Variants in MAGI1 observed in about 807,000 individuals in gnomAD.
MAGI1 encodes membrane associated guanylate kinase, WW and PDZ domain containing 1.
MAGI1 carries 58 observed loss-of-function variants against 139.9 expected under a neutral mutation model. The ratio of observed to expected loss-of-function variants is 0.41; its 90% CI spans 0.34 to 0.52. MAGI1 has a LOEUF of 0.52. Among genes scored for constraint, MAGI1 ranks in the 20% least tolerant of loss-of-function variants. MAGI1 has a pLI of 0.12. For synonymous variants in MAGI1, 812 were observed against 737.9 expected, an observed-to-expected ratio of 1.10 and a Z score of -1.63; for missense variants, 1,874 against 1,901.6, an observed-to-expected ratio of 0.99 and a Z score of 0.27.
At chr3:65,509,677 C>T (rs2077478532) in intron 2 of MAGI1, among the ~76,000 whole-genome samples, 1 of 152,136 alleles carries the variant, frequency 6.6e-6, no homozygotes, top group African/African-American at 2.4e-5. Context: ...TCGCTGATTG[C>T]TAGCACAGCA....
At chr3:65,665,410 A>G (rs1466218832) in intron 1 of MAGI1, among the ~76,000 whole-genome samples, 1 of 152,216 alleles carries the variant, frequency 6.6e-6, no homozygotes, top group Non-Finnish European at 1.5e-5. Context: ...GTGAGAAGAA[A>G]AATTTGAAAA....
At chr3:65,916,168 GCGATTCTC>G (rs2061895507) in intron 1 of MAGI1, among the ~76,000 whole-genome samples, 1 of 151,862 alleles carries the variant, frequency 6.6e-6, no homozygotes, top group African/African-American at 2.4e-5. Flanking sequence ...CCGGGTTGAC[GCGATTCTC>G]ATGCCTAAAC....
Position 65,535,376 on chromosome 3 carries a change from C to A in MAGI1, c.431-41745G>T, listed in dbSNP as rs531412156. On this transcript the variant is annotated intron_variant, in intron 2 of 22. Transcript: ENST00000402939. ...GTGAACTAAATGAGATGCCTTGTCT[C>A]TTGCAGCTCTGAAATAAGCTGTTGA... Among the ~76,000 whole-genome samples the A allele has an allele frequency of 2.0e-3, 306 of 152,266 alleles. 1 individual carries two copies. The highest frequency in any genetic ancestry group is 7.1e-3 in the African/African-American group (297 of 41,542).
At chr3:65,473,443 A>G (rs1280698779) in intron 4 of MAGI1, among the ~76,000 whole-genome samples, 1 of 152,174 alleles carries the variant, frequency 6.6e-6, no homozygotes, top group African/African-American at 2.4e-5. Flanking sequence ...TATTGCAACT[A>G]CAACTGTCCA....
chr3:65,469,245 T>C (rs1019834304), intron 5 of MAGI1, among the ~76,000 whole-genome samples: 2 of 152,150 alleles, frequency 1.3e-5, no homozygotes, highest in African/African-American at 4.8e-5. Flanking sequence ...TGTCCTCCCC[T>C]TCGTTATTGT....
At chr3:65,637,434 G>T (rs1042469153) in intron 1 of MAGI1, among the ~76,000 whole-genome samples, 1 of 151,852 alleles carries the variant, frequency 6.6e-6, no homozygotes, top group East Asian at 1.9e-4. Context: ...CATGCCTGTA[G>T]TCCCAGCTAC....
At chr3:65,782,530 A>G (rs902122678) in intron 1 of MAGI1, among the ~76,000 whole-genome samples, 1 of 151,260 alleles carries the variant, frequency 6.6e-6, no homozygotes, top group South Asian at 2.1e-4. Context: ...TAATACAGGA[A>G]GTAACTACTG....
chr3:65,731,038 G>A (rs2034136560), intron 1 of MAGI1, among the ~76,000 whole-genome samples: 1 of 152,024 alleles, frequency 6.6e-6, no homozygotes, highest in Non-Finnish European at 1.5e-5. Flanking sequence ...TTAGTTACTG[G>A]ATAACTCAAA....
chr3:65,365,248 TC>T lies in MAGI1; in HGVS notation c.3197-303del, dbSNP rs1941304639. On this transcript the variant is annotated intron_variant, in intron 18 of 22. Coordinates refer to ENST00000402939, the MANE Select transcript of MAGI1 (RefSeq NM_001033057.2). ...AGCCAAGGTATATGTTTCTCACTCC[TC>T]CCCTGCCACTGAAAAAAGGCAGTCC... 9 of 557,206 alleles carry T rather than the reference TC, an allele frequency of 1.6e-5. No homozygotes were observed. The Admixed American group carries it at 1.8e-4, about 11-fold the overall frequency. The allele number at this position is 557,206 out of a possible 1,614,324, so 34.5% of individuals were successfully genotyped here.
intron 1 of MAGI1, among the ~76,000 whole-genome samples, chr3:65,949,930 T>A (rs1018532478): frequency 6.6e-6 from 1 of 151,196 alleles, no homozygotes; most frequent in Non-Finnish European, 1.5e-5. Context: ...GTGCCTATAT[T>A]CCCAGCTACT....
chr3:65,605,159 G>C (rs573059658), intron 2 of MAGI1, among the ~76,000 whole-genome samples: 1 of 152,146 alleles, frequency 6.6e-6, no homozygotes, highest in Non-Finnish European at 1.5e-5. Flanking sequence ...TTTGCATGAC[G>C]AGACCTCACT....
At chr3:65,881,501 C>T (rs982812839) in intron 1 of MAGI1, among the ~76,000 whole-genome samples, 2 of 151,916 alleles carry the variant, frequency 1.3e-5, no homozygotes, top group African/African-American at 4.8e-5. Context: ...GTGGTGTGTG[C>T]CTATAGTCCC....
chr3:65,753,697 C>CA (rs35459634), intron 1 of MAGI1, among the ~76,000 whole-genome samples: 1,159 of 104,100 alleles, frequency 0.011, 13 homozygotes, highest in African/African-American at 0.026. Context: ...AACTCCATCT[C>CA]AAAAAAAAAA....
chr3:65,650,347 C>T (rs1414708374), intron 1 of MAGI1, among the ~76,000 whole-genome samples: 7 of 152,276 alleles, frequency 4.6e-5, no homozygotes, highest in South Asian at 2.1e-4. Context: ...ATTAATTCCA[C>T]AACAATGAAA....
intron 1 of MAGI1, among the ~76,000 whole-genome samples, chr3:66,037,029 C>T (rs945277791): frequency 6.6e-6 from 1 of 152,182 alleles, no homozygotes; most frequent in Non-Finnish European, 1.5e-5. Context: ...TCAGCCCCTT[C>T]AGTGCGGTAG....
chr3:65,441,813 C>CTATA (rs1352093239), intron 8 of MAGI1, among the ~76,000 whole-genome samples: 19 of 152,232 alleles, frequency 1.2e-4, no homozygotes, highest in African/African-American at 3.1e-4. Flanking sequence ...AGGACACTTG[C>CTATA]TATATTGAAC....
chr3:66,026,037 CTT>C (rs528015727), intron 1 of MAGI1, among the ~76,000 whole-genome samples: 2 of 142,050 alleles, frequency 1.4e-5, no homozygotes, highest in African/African-American at 5.2e-5. Flanking sequence ...CCGGAGAAAG[CTT>C]TTTTTTTTTT....
chr3:65,737,827 T>C (rs975558048), intron 1 of MAGI1, among the ~76,000 whole-genome samples: 2 of 152,156 alleles, frequency 1.3e-5, no homozygotes, highest in Non-Finnish European at 2.9e-5. Flanking sequence ...GGGGTGAAGA[T>C]GGAAGCCTGA....
At chr3:66,030,849 G>A (rs543089714) in intron 1 of MAGI1, among the ~76,000 whole-genome samples, 1 of 152,312 alleles carries the variant, frequency 6.6e-6, no homozygotes, top group African/African-American at 2.4e-5. Flanking sequence ...CATAAAAAGA[G>A]AAGATTTCTA....
Sources: gnomAD v4.1 joint callset for allele counts (sites outside exome capture counted in the v4.1 genomes callset) on GRCh38, gnomAD v4.1.1 for gene constraint, MANE v1.5 for transcripts, NCBI Gene and HGNC (gene_info 2026-07-23, HGNC 2026-07-21) for gene names.